The following CSF1 variants were observed in gnomAD, a reference collection of about 807,000 sequenced individuals.
CSF1 encodes the protein macrophage colony-stimulating factor 1.
In CSF1, 9 loss-of-function variants were observed where a neutral mutation model predicts 48.9. The observed-to-expected ratio is 0.18, with a 90% CI of 0.11 to 0.32. The LOEUF (loss-of-function observed/expected upper bound fraction) is 0.32, where lower values mean the gene tolerates loss of function less well. Ranked by LOEUF, CSF1 falls within the 10% of genes least tolerant of loss-of-function variation. CSF1 has a pLI of 1.00. For synonymous variants in CSF1, 305 were observed against 284.1 expected (o/e 1.07, Z -0.74); for missense variants, 672 against 697.9 (o/e 0.96, Z 0.42).
chr1:109,912,683 G>A (rs333952), intron 1 of CSF1, among the ~76,000 whole-genome samples: 49,324 of 152,076 alleles, frequency 0.32, 8,657 homozygotes, highest in South Asian at 0.51. Flanking sequence ...CTTCCTGAGC[G>A]GTCCCTTTCA....
Position 109,921,903 on chromosome 1 carries a change from T to A in CSF1, c.453T>A (p.Asn151Lys), listed in dbSNP as rs770954483. 1 of 1,611,992 alleles carries A rather than the reference T, an allele frequency of 6.2e-7. No individual in the cohort carries two copies. Among genetic ancestry groups the A allele is most frequent in the South Asian group, 1.1e-5 (1 of 90,770 alleles). Residue 151 changes from asparagine (N) to lysine (K), a missense_variant, in exon 5 of 9, where the codon AAT (asparagine) becomes AAA (lysine). By Grantham distance (94) the Asn-to-Lys change is moderately conservative (BLOSUM62 0). Around this residue, in one of 3 missense-constraint regions of CSF1, gnomAD observed 591 missense variants for 593.6 expected, o/e 1.00. Transcript: ENST00000329608. ...TCCAGTTGCTGGAGAAGGTCAAGAA[T>A]GTCTTTAATGAAACAAAGAATCTCC... The part of the protein sequence containing the change: ...TPLQLLEKVK[N>K]VFNETKNLLD...
chr1:109,925,901 G>A (rs915290541), intron 8 of CSF1, among the ~76,000 whole-genome samples: 3 of 152,048 alleles, frequency 2.0e-5, no homozygotes, highest in Non-Finnish European at 4.4e-5. Flanking sequence ...TTCCTCATGC[G>A]AGGCAAAACT....
intron 2 of CSF1, among the ~76,000 whole-genome samples, chr1:109,915,257 T>TA (rs1366651215): frequency 3.3e-5 from 5 of 152,356 alleles, no homozygotes; most frequent in African/African-American, 1.2e-4. Context: ...CTCCAACCCC[T>TA]ACAGGTGTTC....
chr1:109,923,699 G>T lies in CSF1; in HGVS notation c.1078G>T (p.Ala360Ser). The T allele has an allele frequency of 6.2e-7, 1 of 1,613,570 alleles. No individual in the cohort carries two copies. Among genetic ancestry groups the T allele is most frequent in the African/African-American group, 1.3e-5 (1 of 75,036 alleles). Residue 360 changes from alanine (A) to serine (S), a missense_variant, in exon 6 of 9, where the codon GCA becomes TCA. By Grantham distance (99) the Ala-to-Ser change is moderately conservative. Around this residue, in one of 3 missense-constraint regions of CSF1, gnomAD observed 591 missense variants for 593.6 expected, o/e 1.00. Transcript: ENST00000329608. Reference sequence around the variant, plus strand: ...TGCATCAGCAAAGGGCCAACAGCCGGCAGATGTAACTGGTACCGCCTTGCC... The same window carrying T: ...TGCATCAGCAAAGGGCCAACAGCCGTCAGATGTAACTGGTACCGCCTTGCC... ...LPASAKGQQP[A>S]DVTGTALPRV... is the part of the protein sequence containing the mutation.
intron 8 of CSF1, among the ~76,000 whole-genome samples, chr1:109,925,674 CT>C (rs1647816391): frequency 6.6e-6 from 1 of 152,188 alleles, no homozygotes; most frequent in African/African-American, 2.4e-5. Context: ...GAGGTCAGTT[CT>C]GCTTCCTTGC....
At chr1:109,928,516 C>T (rs1385773265) in intron 8 of CSF1, among the ~76,000 whole-genome samples, 6 of 152,212 alleles carry the variant, frequency 3.9e-5, no homozygotes, top group Admixed American at 3.9e-4. Flanking sequence ...CATTCAAGTG[C>T]CCGCTTCGCT....
intron 6 of CSF1, 79 bp downstream of exon 6, chr1:109,924,269 C>G: frequency 7.6e-7 from 1 of 1,319,186 alleles, no homozygotes. Flanking sequence ...GGTGGGGGGA[C>G]AGCTTGGGTG....
chr1:109,927,472 T>C (rs1234757353), intron 8 of CSF1, among the ~76,000 whole-genome samples: 1 of 152,194 alleles, frequency 6.6e-6, no homozygotes, highest in East Asian at 1.9e-4. Flanking sequence ...GGTGGCTCAG[T>C]GCCACAACAC....
chr1:109,914,572 C>T (rs962627998), intron 2 of CSF1, among the ~76,000 whole-genome samples, 191 bp downstream of exon 2: 4 of 152,248 alleles, frequency 2.6e-5, no homozygotes, highest in Non-Finnish European at 5.9e-5. Context: ...TCTGGTCTCC[C>T]CAGCTCGAAG....
intron 4 of CSF1, among the ~76,000 whole-genome samples, chr1:109,920,157 G>A (rs1315590920): frequency 6.6e-6 from 1 of 150,700 alleles, no homozygotes; most frequent in Admixed American, 6.6e-5. Flanking sequence ...GAGGGATTCA[G>A]AGCTCCTGAG....
At chr1:109,918,268 C>A (rs879163110) in intron 4 of CSF1, among the ~76,000 whole-genome samples, 5 of 152,104 alleles carry the variant, frequency 3.3e-5, no homozygotes, top group Admixed American at 3.3e-4. Context: ...ATCAGCATGG[C>A]CAGAGCATGG....
At chr1:109,920,223 C>A (rs968643191) in intron 4 of CSF1, among the ~76,000 whole-genome samples, 1 of 151,608 alleles carries the variant, frequency 6.6e-6, no homozygotes, top group African/African-American at 2.4e-5. Context: ...ACCAGATAGA[C>A]GTACGAATGA....
chr1:109,929,004 G>C lies in CSF1; in HGVS notation c.*166G>C, dbSNP rs963644801. 3 of 152,934 alleles carry C rather than the reference G, an allele frequency of 2.0e-5. No individual in the cohort carries two copies. The highest frequency in any genetic ancestry group is 4.4e-5 in the Non-Finnish European group (3 of 68,162). 9.5% of individuals were successfully genotyped at this position (152,934 alleles called of 1,614,324 possible). On this transcript the variant is annotated 3_prime_UTR_variant, in exon 9 of 9. Transcript: ENST00000329608. ...AGAGCAGCCAGGCTGGGGCCCCTCT[G>C]TCTCAACCCGCAGACCCTTGACTGA...
In CSF1 at chr1:109,910,994, G is replaced by T; in HGVS notation, c.-30G>T. 8.6e-7 allele frequency: 1 copy of T among 1,166,338 alleles called. No homozygotes were observed. Among genetic ancestry groups the T allele is most frequent in the Non-Finnish European group, 1.1e-6 (1 of 947,716 alleles). 72.2% of individuals were successfully genotyped at this position (1,166,338 alleles called of 1,614,324 possible). A position where few individuals can be genotyped will look rare whatever the true frequency, so the allele number is the denominator to read the frequency against. On this transcript the variant is annotated 5_prime_UTR_variant, in exon 1 of 9. Transcript: ENST00000329608. ...AGCGAGCGAGCGAGCGAGGGCGGCC[G>T]ACGCGCCCGGCCGGGACCCAGCTGC...
intron 4 of CSF1, 63 bp downstream of exon 4, chr1:109,917,526 C>T: frequency 6.6e-7 from 1 of 1,509,158 alleles, no homozygotes; most frequent in Non-Finnish European, 9.1e-7. Context: ...AGGCGCCGCT[C>T]TATCCACAGG....
At chr1:109,910,543 C>G (rs2101635238), upstream of CSF1, 1 of 338,140 alleles carries the variant, frequency 3.0e-6, no homozygotes, top group South Asian at 2.0e-5. Context: ...AGGGTCGGTC[C>G]GCAGAGGGCG....
chr1:109,920,453 G>A (rs1432005308), intron 4 of CSF1, among the ~76,000 whole-genome samples: 3 of 152,016 alleles, frequency 2.0e-5, no homozygotes, highest in Non-Finnish European at 4.4e-5. Flanking sequence ...TTTCTAGCTG[G>A]GATTACAGGC....
At position 109,923,214 on chromosome 1, in the gene CSF1, C is replaced by G. The variant is rs202063964; in HGVS notation, c.593C>G (p.Pro198Arg). 1.6e-4 allele frequency: 255 copies of G among 1,552,234 alleles called. No individual in the cohort carries two copies. The highest frequency in any genetic ancestry group is 2.3e-5 in the Non-Finnish European group (26 of 1,151,702). Residue 198 changes from proline to arginine, a missense_variant, in exon 6 of 9, where the codon CCT becomes CGT. By Grantham distance (103) the Pro-to-Arg change is moderately radical (BLOSUM62 -2). Around this residue, in one of 3 missense-constraint regions of CSF1, gnomAD observed 591 missense variants for 593.6 expected, o/e 1.00. Coordinates refer to ENST00000329608, the MANE Select transcript of CSF1 (RefSeq NM_000757.6). ...DCNCLYPKAIPSSDPASVSPH... is the reference protein window; with the variant it reads ...DCNCLYPKAIRSSDPASVSPH... The stretch of plus-strand genomic sequence containing the variant: ...AACTGCCTGTACCCCAAAGCCATCC[C>G]TAGCAGTGACCCGGCCTCTGTCTCC...
In CSF1 at chr1:109,923,397, A is replaced by G. The variant is rs752931255; in HGVS notation, c.776A>G (p.Gln259Arg). ...CAGCGGCCACCCAGGAGCACCTGCC[A>G]GAGCTTTGAGCCGCCAGAGACCCCA... ...AKQRPPRSTCQSFEPPETPVV... is the reference protein window; with the variant it reads ...AKQRPPRSTCRSFEPPETPVV... The change falls in exon 6 of 9, where the codon CAG becomes CGG. Residue 259 changes from glutamine (Q) to arginine (R), a missense_variant. This residue lies in a region of CSF1 where 591 missense variants were observed against 593.6 expected (regional missense o/e 1.00). Coordinates refer to ENST00000329608, the MANE Select transcript of CSF1 (RefSeq NM_000757.6). 35 of 1,613,798 alleles carry G rather than the reference A, an allele frequency of 2.2e-5. No homozygotes were observed. The highest frequency in any genetic ancestry group is 2.9e-5 in the Non-Finnish European group (34 of 1,179,932).
Sources: allele counts gnomAD v4.1 joint callset (sites outside exome capture counted in the v4.1 genomes callset), GRCh38; gene constraint gnomAD v4.1.1; regional missense constraint gnomAD v4.1.1; transcripts MANE v1.5; gene names NCBI Gene and HGNC (gene_info 2026-07-23, HGNC 2026-07-21).